Variants in PIGN observed in about 807,000 individuals in gnomAD.
PIGN encodes the protein phosphatidylinositol glycan anchor biosynthesis class N.
In PIGN, 117 loss-of-function variants were observed where a neutral mutation model predicts 125.4. That is an observed-to-expected ratio of 0.93 (90% CI 0.80 to 1.09). PIGN has a LOEUF of 1.09. Among genes scored for constraint, PIGN ranks in the 50% least tolerant of loss-of-function variants. PIGN has a pLI of 0.00. For synonymous variants in PIGN, 392 were observed against 377.8 expected (o/e 1.04, Z -0.44); for missense variants, 1,075 against 1,094.9 (o/e 0.98, Z 0.26).
intron 23 of PIGN, among the ~76,000 whole-genome samples, chr18:62,035,024 T>G (rs962934310): frequency 6.6e-6 from 1 of 152,100 alleles, no homozygotes; most frequent in Non-Finnish European, 1.5e-5. Flanking sequence ...AATTAAACCA[T>G]GGGGGTGGGT....
chr18:62,187,020 T>C lies in PIGN; in HGVS notation c.-412A>G, dbSNP rs3752091. 15,371 of 153,016 alleles carry C rather than the reference T, an allele frequency of 0.1. 918 individuals are homozygous for C. The highest frequency in any genetic ancestry group is 0.19 in the East Asian group (979 of 5,194). 9.5% of individuals were successfully genotyped at this position (153,016 alleles called of 1,614,324 possible). On this transcript the variant is annotated 5_prime_UTR_variant, in exon 1 of 31. Coordinates refer to ENST00000640252, the MANE Select transcript of PIGN (RefSeq NM_176787.5). ...CCCCTCAATTCCGGAACGCCCCCAA[T>C]ACCTGCCCGGCCGCTGCTGCTATCG...
At chr18:62,027,497 A>C (rs2030137942) in intron 23 of PIGN, among the ~76,000 whole-genome samples, 1 of 152,238 alleles carries the variant, frequency 6.6e-6, no homozygotes, top group South Asian at 2.1e-4. Flanking sequence ...AAGGCGGGAC[A>C]ACGCGAAGCA....
At chr18:62,073,741 T>C (rs538911206) in intron 29 of PIGN, among the ~76,000 whole-genome samples, 251 of 152,324 alleles carry the variant, frequency 1.6e-3, no homozygotes, top group Non-Finnish European at 2.7e-3. Flanking sequence ...GCTACCCTTA[T>C]TAGTATTCCT....
At chr18:62,053,528 C>A (rs941980678) in intron 30 of PIGN, among the ~76,000 whole-genome samples, 1 of 151,996 alleles carries the variant, frequency 6.6e-6, no homozygotes, top group East Asian at 1.9e-4. Context: ...AAAACATGAC[C>A]GTGACCAAAC....
intron 30 of PIGN, chr18:62,052,694 C>T (rs568574500): frequency 6.5e-6 from 1 of 153,814 alleles, no homozygotes; most frequent in South Asian, 2.1e-4. Context: ...AGCATTTAGT[C>T]CATTTACCTT....
chr18:62,183,125 T>C (rs1455136589), intron 1 of PIGN, among the ~76,000 whole-genome samples: 1 of 152,134 alleles, frequency 6.6e-6, no homozygotes, highest in Non-Finnish European at 1.5e-5. Context: ...ATGATAACTA[T>C]GTGTAAGGTA....
intron 1 of PIGN, among the ~76,000 whole-genome samples, chr18:62,164,639 G>A (rs2037067659): frequency 6.6e-6 from 1 of 152,134 alleles, no homozygotes; most frequent in African/African-American, 2.4e-5. Flanking sequence ...CTCAACACAT[G>A]GGGATTACAA....
intron 23 of PIGN, among the ~76,000 whole-genome samples, chr18:62,031,046 C>G (rs2030188076): frequency 6.6e-6 from 1 of 152,126 alleles, no homozygotes; most frequent in Admixed American, 6.5e-5. Context: ...TGTGTCTTCA[C>G]CCAAATCTCA....
chr18:62,096,209 C>T (rs563160698), intron 22 of PIGN, among the ~76,000 whole-genome samples: 6 of 152,066 alleles, frequency 3.9e-5, no homozygotes, highest in African/African-American at 1.4e-4. Flanking sequence ...GTAGGAGAAT[C>T]GCTTGAACCC....
At chr18:62,119,547 A>G (rs1018010021) in intron 14 of PIGN, among the ~76,000 whole-genome samples, 1 of 152,188 alleles carries the variant, frequency 6.6e-6, no homozygotes, top group East Asian at 1.9e-4. Flanking sequence ...GAATCAGTAG[A>G]AAATACCTTG....
chr18:62,116,004 C>A lies in PIGN; in HGVS notation c.1173-1365G>T, dbSNP rs192722565. Among the ~76,000 whole-genome samples, 6 of 152,254 alleles carry A rather than the reference C, an allele frequency of 3.9e-5. No individual in the cohort carries two copies. The East Asian group carries it at 1.2e-3, about 29-fold the overall frequency. ...CTAAGAGCTCCCAGATATTCCAACT[C>A]AGGGGAACCCAACCACACTGGGTTC... is the stretch of plus-strand genomic sequence containing the variant. On this transcript the variant is annotated intron_variant, in intron 14 of 30. Transcript: ENST00000640252.
chr18:62,068,175 C>T (rs1354682855), intron 30 of PIGN, among the ~76,000 whole-genome samples: 1 of 152,182 alleles, frequency 6.6e-6, no homozygotes, highest in Non-Finnish European at 1.5e-5. Context: ...GCCTGTAGCA[C>T]TTTCTCCATG....
chr18:62,174,742 A>G (rs1025587886), intron 1 of PIGN, among the ~76,000 whole-genome samples: 1 of 152,170 alleles, frequency 6.6e-6, no homozygotes. Context: ...ATGCTAATGC[A>G]TTATTTTTAA....
At chr18:62,061,290 A>G (rs891665118) in intron 30 of PIGN, among the ~76,000 whole-genome samples, 6 of 152,128 alleles carry the variant, frequency 3.9e-5, no homozygotes, top group African/African-American at 1.4e-4. Flanking sequence ...AGTGTTCTGA[A>G]AATCCATGGC....
At chr18:62,059,851 A>C (rs12605798) in intron 30 of PIGN, among the ~76,000 whole-genome samples, 50,943 of 152,132 alleles carry the variant, frequency 0.33, 9,447 homozygotes, top group East Asian at 0.63. Context: ...TAAGAATAAA[A>C]ACAAAGAAAG....
chr18:62,036,729 C>T (rs964309869), downstream of PIGN, among the ~76,000 whole-genome samples: 4 of 152,322 alleles, frequency 2.6e-5, no homozygotes, highest in African/African-American at 9.6e-5. Flanking sequence ...GAGCATATTA[C>T]TGCCATAGGC....
intron 23 of PIGN, among the ~76,000 whole-genome samples, chr18:62,026,980 A>G (rs938652311): frequency 6.6e-6 from 1 of 152,198 alleles, no homozygotes; most frequent in Non-Finnish European, 1.5e-5. Flanking sequence ...AGGCAGGTGG[A>G]TCACCTGAGG....
At chr18:62,162,063 A>C (rs1363837362) in intron 3 of PIGN, among the ~76,000 whole-genome samples, 190 bp downstream of exon 3, 1 of 152,144 alleles carries the variant, frequency 6.6e-6, no homozygotes, top group East Asian at 1.9e-4. Context: ...GAATCAATCA[A>C]AAAGGTTATG....
chr18:62,150,530 G>A (rs900541826), intron 7 of PIGN, among the ~76,000 whole-genome samples: 3 of 152,096 alleles, frequency 2.0e-5, no homozygotes, highest in Non-Finnish European at 2.9e-5. Context: ...CAACCCAGGC[G>A]AACCTTTGAG....
Sources: allele counts gnomAD v4.1 joint callset (sites outside exome capture counted in the v4.1 genomes callset), GRCh38; gene constraint gnomAD v4.1.1; transcripts MANE v1.5; gene names NCBI Gene and HGNC (gene_info 2026-07-23, HGNC 2026-07-21).